Variants in THTPA observed in about 807,000 individuals in gnomAD.
THTPA encodes thiamine triphosphatase, also known as thiamine-triphosphatase.
A neutral mutation model predicts 16.5 loss-of-function variants in THTPA; 16 were observed. That is an observed-to-expected ratio of 0.97 (90% CI 0.66 to 1.47). The LOEUF (loss-of-function observed/expected upper bound fraction) is 1.47, where lower values mean the gene tolerates loss of function less well. Among genes scored for constraint, THTPA ranks in the 40% most tolerant of loss-of-function variants. THTPA has a pLI of 0.00. For synonymous variants in THTPA, 110 were observed against 115.5 expected (o/e 0.95, Z 0.30); for missense variants, 281 against 280.9 (o/e 1.00, Z 0.00).
At chr14:23,527,124 C>T in the THTPA span, among the ~76,000 whole-genome samples, 1 of 152,210 alleles carries the variant, frequency 6.6e-6, no homozygotes, top group Non-Finnish European at 1.5e-5. Context: ...CTAATTGCTG[C>T]TTTTGCTACA....
At chr14:23,541,311 G>A in the THTPA span, among the ~76,000 whole-genome samples, 2 of 145,130 alleles carry the variant, frequency 1.4e-5, no homozygotes, top group East Asian at 2.0e-4. Flanking sequence ...TTTTTGAGAC[G>A]GAGTTTCGCT....
the THTPA span, chr14:23,522,403 C>A: frequency 6.5e-7 from 1 of 1,536,412 alleles, no homozygotes; most frequent in Non-Finnish European, 8.7e-7. Context: ...CAGCTTCCCC[C>A]TCCCCTGGAG....
the THTPA span, chr14:23,526,455 C>G: frequency 6.5e-7 from 1 of 1,536,032 alleles, no homozygotes; most frequent in Non-Finnish European, 8.7e-7. Flanking sequence ...TCAGCTGGAG[C>G]TGGCTCTGCA....
chr14:23,534,683 T>C, the THTPA span: 2 of 1,536,202 alleles, frequency 1.3e-6, no homozygotes. This position sits in a 1 kb window ranked among gnomAD's most constrained non-coding sequence, Gnocchi z 4.5. Context: ...CCGGGTGGAT[T>C]TGGAGCCAGC....
the THTPA span, chr14:23,523,714 C>T: frequency 6.5e-7 from 1 of 1,536,510 alleles, no homozygotes; most frequent in South Asian, 1.2e-5. This position sits in a 1 kb window ranked among gnomAD's most constrained non-coding sequence, Gnocchi z 4.1. Flanking sequence ...TGATCTTCAG[C>T]TGCAGGCTGC....
chr14:23,517,393 C>G, the THTPA span, among the ~76,000 whole-genome samples: 1 of 152,144 alleles, frequency 6.6e-6, no homozygotes, highest in East Asian at 1.9e-4. Flanking sequence ...TGTATCTGAG[C>G]TATAATCCTG....
the THTPA span, chr14:23,543,264 A>G: frequency 6.6e-6 from 1 of 152,342 alleles, no homozygotes; most frequent in Admixed American, 6.5e-5. Context: ...GTAGCTATTC[A>G]TTCCTATTTT....
the THTPA span, chr14:23,522,658 C>A: frequency 6.5e-7 from 1 of 1,536,382 alleles, no homozygotes; most frequent in South Asian, 1.2e-5. Context: ...ACTGGCCCCC[C>A]AACAGGGCTG....
At chr14:23,517,149 C>T in the THTPA span, among the ~76,000 whole-genome samples, 2 of 152,288 alleles carry the variant, frequency 1.3e-5, no homozygotes, top group East Asian at 1.9e-4. Flanking sequence ...ATGACATTTA[C>T]CCCTTGTCTG....
the THTPA span, among the ~76,000 whole-genome samples, chr14:23,516,528 T>C: frequency 6.6e-6 from 1 of 152,228 alleles, no homozygotes; most frequent in Non-Finnish European, 1.5e-5. Context: ...ATTCACTCTT[T>C]CTTCACCCAC....
At chr14:23,554,512 G>A (rs1313422427), upstream of THTPA, among the ~76,000 whole-genome samples, 1 of 151,934 alleles carries the variant, frequency 6.6e-6, no homozygotes, top group African/African-American at 2.4e-5. Flanking sequence ...GAGCAGCTGG[G>A]ACCACAGGCA....
chr14:23,533,937 C>A, the THTPA span: 7 of 1,538,080 alleles, frequency 4.6e-6, no homozygotes, highest in Non-Finnish European at 6.1e-6. This position sits in a 1 kb window ranked among gnomAD's most constrained non-coding sequence, Gnocchi z 4.8. Flanking sequence ...TCTGCTGGTA[C>A]TTGTAGTGCC....
the THTPA span, chr14:23,531,666 C>T: frequency 6.7e-7 from 1 of 1,494,770 alleles, no homozygotes; most frequent in Non-Finnish European, 8.9e-7. Flanking sequence ...ACACAACAGG[C>T]AGTGGTATAG....
the THTPA span, among the ~76,000 whole-genome samples, chr14:23,541,853 A>G: frequency 6.6e-6 from 1 of 152,244 alleles, no homozygotes; most frequent in African/African-American, 2.4e-5. Context: ...TTCTATATTT[A>G]AAAAGAAAAC....
chr14:23,538,347 T>G, the THTPA span, among the ~76,000 whole-genome samples: 1 of 147,494 alleles, frequency 6.8e-6, no homozygotes, highest in South Asian at 2.3e-4. Context: ...CCCTTTCTTC[T>G]CGGAGCTTCT....
At chr14:23,542,075 G>C in the THTPA span, 1 of 152,466 alleles carries the variant, frequency 6.6e-6, no homozygotes, top group East Asian at 1.9e-4. Flanking sequence ...GAGGGAGGAA[G>C]AAGGGAAGGA....
At chr14:23,530,549 A>G in the THTPA span, 1 of 473,746 alleles carries the variant, frequency 2.1e-6, no homozygotes, top group Non-Finnish European at 4.0e-6. Context: ...GGGGCACTGA[A>G]GAAGGAAGCC....
chr14:23,552,372 C>T (rs1256556578), upstream of THTPA, among the ~76,000 whole-genome samples: 2 of 151,194 alleles, frequency 1.3e-5, no homozygotes, highest in African/African-American at 4.9e-5. Context: ...CGGCTCACTG[C>T]AACCTCCACC....
At chr14:23,526,425 A>G in the THTPA span, 1 of 1,536,110 alleles carries the variant, frequency 6.5e-7, no homozygotes, top group Non-Finnish European at 8.7e-7. Context: ...GTTTTCCGAT[A>G]GGTCAGAGGG....
Sources: allele counts gnomAD v4.1 joint callset (sites outside exome capture counted in the v4.1 genomes callset), GRCh38; gene constraint gnomAD v4.1.1; non-coding constraint Gnocchi (gnomAD v3.1); transcripts MANE v1.5; gene names NCBI Gene and HGNC (gene_info 2026-07-23, HGNC 2026-07-21).